CTNNAL1: variants seen among roughly 807,000 people sequenced by gnomAD.
CTNNAL1 encodes catenin alpha like 1, also known as alpha-catulin.
Under a neutral mutation model 93.6 loss-of-function variants are expected in CTNNAL1, and 69 were observed. That is an observed-to-expected ratio of 0.74 (90% CI 0.61 to 0.90). The LOEUF (loss-of-function observed/expected upper bound fraction) is 0.90. Ranked by LOEUF, CTNNAL1 falls within the 40% of genes least tolerant of loss-of-function variation. The probability of loss-of-function intolerance (pLI) is 0.00; values close to 1 mark genes in which losing one functional copy is unlikely to be tolerated. For missense variants in CTNNAL1, 836 were observed against 862.0 expected, an observed-to-expected ratio of 0.97 and a Z score of 0.38; for synonymous variants, 286 against 305.4, an observed-to-expected ratio of 0.94 and a Z score of 0.66.
At chr9:108,946,176 G>A (rs1198092329) in intron 15 of CTNNAL1, among the ~76,000 whole-genome samples, 1 of 151,962 alleles carries the variant, frequency 6.6e-6, no homozygotes, top group Non-Finnish European at 1.5e-5. Flanking sequence ...GCGCACACCT[G>A]TAGTCCCAGC....
intron 1 of CTNNAL1, among the ~76,000 whole-genome samples, chr9:109,010,196 C>T (rs72758395): frequency 0.12 from 18,617 of 152,012 alleles, 1,518 homozygotes; most frequent in Middle Eastern, 0.19. Flanking sequence ...CCAGCCAGTG[C>T]GCCTGTGCCT....
At chr9:108,966,598 G>A (rs543085962) in intron 10 of CTNNAL1, among the ~76,000 whole-genome samples, 2 of 152,288 alleles carry the variant, frequency 1.3e-5, no homozygotes, top group South Asian at 2.1e-4. Context: ...AAAGGGGACC[G>A]GATTGCCAAG....
In CTNNAL1 at chr9:108,984,457, C is replaced by T. The variant is rs372505358; in HGVS notation, c.640-21G>A. 4.9e-5 allele frequency: 70 copies of T among 1,429,658 alleles called. No homozygotes were observed. In the African/African-American group the frequency reaches 5.4e-4, roughly 11 times the overall value. The allele number at this position is 1,429,658 out of a possible 1,614,324, so 88.6% of individuals were successfully genotyped here. On this transcript the variant is annotated intron_variant, in intron 4 of 18. Transcript: ENST00000325551. ...AAATCCTAAATATGAAATAAAATCA[C>T]GGAGGAGTCTAAGACCATGTGAACA...
intron 1 of CTNNAL1, among the ~76,000 whole-genome samples, chr9:109,000,755 G>A (rs1826784076): frequency 1.3e-5 from 2 of 151,718 alleles, no homozygotes; most frequent in South Asian, 2.1e-4. Context: ...CAAGGAATGA[G>A]GTGAAGTCGG....
chr9:108,945,123 A>G (rs1045220702), intron 15 of CTNNAL1, among the ~76,000 whole-genome samples: 2 of 152,052 alleles, frequency 1.3e-5, no homozygotes, highest in African/African-American at 4.8e-5. Context: ...AAAGCTGGTA[A>G]CTCCCAGGTC....
chr9:108,984,916 G>A (rs367617300), intron 4 of CTNNAL1, among the ~76,000 whole-genome samples: 9 of 152,308 alleles, frequency 5.9e-5, no homozygotes, highest in African/African-American at 2.2e-4. Context: ...TCAAATTGGG[G>A]TTCGTTTGTC....
intron 8 of CTNNAL1, among the ~76,000 whole-genome samples, chr9:108,976,280 G>A (rs779459394): frequency 5.3e-5 from 8 of 151,962 alleles, no homozygotes; most frequent in Admixed American, 1.3e-4. Flanking sequence ...TTTGTGCCTG[G>A]CTTCTTTTGC....
chr9:108,973,794 G>C (rs1831186510), intron 8 of CTNNAL1, among the ~76,000 whole-genome samples: 1 of 151,058 alleles, frequency 6.6e-6, no homozygotes, highest in African/African-American at 2.4e-5. Context: ...CTATTTGAAT[G>C]AAGTGATTTC....
At chr9:108,990,218 A>T (rs925485086) in intron 4 of CTNNAL1, among the ~76,000 whole-genome samples, 4 of 152,206 alleles carry the variant, frequency 2.6e-5, no homozygotes, top group African/African-American at 9.6e-5. Flanking sequence ...AGTAGTTAAC[A>T]ATACCTACCT....
In CTNNAL1 at chr9:108,942,833, A is replaced by G; in HGVS notation, c.2141T>C (p.Leu714Pro). The G allele has an allele frequency of 1.2e-6, 2 of 1,613,716 alleles. No homozygotes were observed. Among genetic ancestry groups the G allele is most frequent in the Non-Finnish European group, 1.7e-6 (2 of 1,179,818 alleles). Residue 714 changes from leucine (L) to proline (P), a missense_variant and splice_region_variant, in exon 19 of 19, where the codon CTT becomes CCT. By Grantham distance (98) the Leu-to-Pro change is moderately conservative (BLOSUM62 -3). Coordinates refer to ENST00000325551, the MANE Select transcript of CTNNAL1 (RefSeq NM_003798.4). ...GACCCATCCGTTATTTTCCATCTGAAGCTGGAAAGAGTTAAGACAATTAGT... is the reference window on the plus strand; with the variant it reads ...GACCCATCCGTTATTTTCCATCTGAGGCTGGAAAGAGTTAAGACAATTAGT... ...LSLCYKLLKKLQMENNGWVSV... is the reference protein window; with the variant it reads ...LSLCYKLLKKPQMENNGWVSV...
intron 8 of CTNNAL1, 29 bp from the exon 9 acceptor site, chr9:108,972,862 G>C: frequency 3.1e-6 from 1 of 320,472 alleles, no homozygotes; most frequent in Non-Finnish European, 5.4e-6. Flanking sequence ...GTGGGGGGGT[G>C]GGAGGGTGGA....
At chr9:109,010,219 A>G (rs530706437) in intron 1 of CTNNAL1, among the ~76,000 whole-genome samples, 66 of 152,290 alleles carry the variant, frequency 4.3e-4, no homozygotes, top group Middle Eastern at 3.4e-3. Flanking sequence ...TTTGTTATCA[A>G]TGTAGAAAAA....
rs16913734 is a variant in CTNNAL1 at position 108,972,751 on chromosome 9, G to T, written c.1271C>A (p.Thr424Asn). 1.3e-6 allele frequency: 2 copies of T among 1,562,922 alleles called. No homozygotes were observed. Among genetic ancestry groups the T allele is most frequent in the African/African-American group, 1.4e-5 (1 of 72,432 alleles). Residue 424 changes from threonine to asparagine, a missense_variant, in exon 9 of 19, where the codon ACT (threonine) becomes AAT (asparagine). Coordinates refer to ENST00000325551, the MANE Select transcript of CTNNAL1 (RefSeq NM_003798.4). ...DHVVLKALKL[T>N]GVEGNLEALA... ...AGCTTCTAAATTTCCTTCTACTCCA[G>T]TAAGTTTTAATGCTTTTAGAACCAC... is the stretch of plus-strand genomic sequence containing the variant.
chr9:108,952,578 A>G, intron 12 of CTNNAL1, 84 bp from the exon 13 acceptor site: 1 of 1,532,986 alleles, frequency 6.5e-7, no homozygotes, highest in Non-Finnish European at 8.9e-7. Context: ...AAAGCATAAC[A>G]AAGTACTTGT....
chr9:108,972,086 C>T (rs947779545), intron 9 of CTNNAL1, among the ~76,000 whole-genome samples: 1 of 152,128 alleles, frequency 6.6e-6, no homozygotes. Context: ...GGCCTTGACT[C>T]CCATGCTCCT....
intron 1 of CTNNAL1, among the ~76,000 whole-genome samples, chr9:109,012,848 C>G (rs1438963436): frequency 6.6e-6 from 1 of 152,198 alleles, no homozygotes; most frequent in African/African-American, 2.4e-5. Context: ...GGCGGAGGAG[C>G]CGGGCTCGGG....
intron 2 of CTNNAL1, among the ~76,000 whole-genome samples, chr9:108,994,773 A>G (rs1831952801): frequency 6.6e-6 from 1 of 151,964 alleles, no homozygotes; most frequent in Non-Finnish European, 1.5e-5. Context: ...GTGGTATGTC[A>G]CTCCCAAGCT....
intron 11 of CTNNAL1, among the ~76,000 whole-genome samples, chr9:108,964,912 G>T (rs1830914390): frequency 6.6e-6 from 1 of 151,784 alleles, no homozygotes. Context: ...GCCCAGGCTG[G>T]ACTGCAGTGG....
At chr9:108,963,062 G>GA (rs543583773) in intron 11 of CTNNAL1, among the ~76,000 whole-genome samples, 3 of 152,090 alleles carry the variant, frequency 2.0e-5, no homozygotes, top group African/African-American at 4.8e-5. Flanking sequence ...CTGTTTTAAG[G>GA]AAAAAAATTA....
Sources: allele counts gnomAD v4.1 joint callset (sites outside exome capture counted in the v4.1 genomes callset), GRCh38; gene constraint gnomAD v4.1.1; transcripts MANE v1.5; gene names NCBI Gene and HGNC (gene_info 2026-07-23, HGNC 2026-07-21).